POLN: variants seen among roughly 807,000 people sequenced by gnomAD.
POLN encodes the protein DNA polymerase nu.
In POLN, 108 loss-of-function variants were observed where a neutral mutation model predicts 113.5. The observed-to-expected ratio is 0.95, with a 90% CI of 0.81 to 1.12. POLN has a LOEUF of 1.12. POLN is among the 50% of genes most tolerant of loss of function. The pLI is 0.00. For synonymous variants in POLN, 386 were observed against 391.5 expected (o/e 0.99, Z 0.17); for missense variants, 1,097 against 1,077.1 (o/e 1.02, Z -0.26).
At chr4:2,197,238 G>A (rs1418700613) in intron 6 of POLN, among the ~76,000 whole-genome samples, 1 of 152,192 alleles carries the variant, frequency 6.6e-6, no homozygotes, top group African/African-American at 2.4e-5. Flanking sequence ...AGACTGAAGG[G>A]GCAGGTGGAA....
chr4:2,159,082 T>C (rs1732511632), intron 14 of POLN, 73 bp downstream of exon 14: 3 of 1,147,402 alleles, frequency 2.6e-6, no homozygotes, highest in Non-Finnish European at 3.9e-6. Flanking sequence ...TATGGATTTG[T>C]GTTGACAGAC....
At chr4:2,088,960 CAG>C (rs1262172527) in intron 20 of POLN, 1 of 950,302 alleles carries the variant, frequency 1.1e-6, no homozygotes, top group Non-Finnish European at 1.6e-6. Flanking sequence ...TGGTCCGAGA[CAG>C]AGAAAAAGGT....
At position 2,180,528 on chromosome 4, in the gene POLN, T is replaced by A. The variant is rs1438703345; in HGVS notation, c.1022-1063A>T. On this transcript the variant is annotated intron_variant, in intron 7 of 25. Transcript: ENST00000511885. ...TTACCAAAGCAGCCAGTATTATGAC[T>A]TTCTCATTTGATATCTAGGAAGGCT... Among the ~76,000 whole-genome samples, 4 of 152,218 alleles carry A rather than the reference T, an allele frequency of 2.6e-5. No homozygotes were observed. The East Asian group carries it at 7.7e-4, about 29-fold the overall frequency.
intron 5 of POLN, among the ~76,000 whole-genome samples, chr4:2,205,442 C>G (rs1035728405): frequency 5.9e-5 from 9 of 152,156 alleles, no homozygotes; most frequent in Non-Finnish European, 1.3e-4. Context: ...TCACAGATGA[C>G]ACAAACAAAT....
Position 2,145,515 on chromosome 4 carries a change from GA to G in POLN, c.1731+11272del, listed in dbSNP as rs1732116532. 2.0e-5 allele frequency among the ~76,000 whole-genome samples: 3 copies of G among 152,122 alleles called. No individual in the cohort carries two copies. The South Asian group carries it at 6.2e-4, about 32-fold the overall frequency. Reference sequence around the variant, plus strand: ...AAAAGAAATAAACAAGTGAGTCATTGAAAAAATTCAAATGACAAATAAACAT... The same window carrying G: ...AAAAGAAATAAACAAGTGAGTCATTGAAAAATTCAAATGACAAATAAACAT... On this transcript the variant is annotated intron_variant, in intron 16 of 25. Coordinates refer to ENST00000511885, the MANE Select transcript of POLN (RefSeq NM_181808.4).
intron 7 of POLN, among the ~76,000 whole-genome samples, chr4:2,191,918 G>C (rs1733460057): frequency 6.6e-6 from 1 of 151,952 alleles, no homozygotes; most frequent in Non-Finnish European, 1.5e-5. Context: ...TTCAAGACTA[G>C]CCTGGCCAGC....
At chr4:2,085,116 C>T (rs973759988) in intron 21 of POLN, among the ~76,000 whole-genome samples, 1 of 151,764 alleles carries the variant, frequency 6.6e-6, no homozygotes, top group Non-Finnish European at 1.5e-5. Flanking sequence ...TTTTTTAATC[C>T]TAAATTATTA....
intron 2 of POLN, among the ~76,000 whole-genome samples, chr4:2,237,418 A>C (rs1734805779): frequency 6.6e-6 from 1 of 151,958 alleles, no homozygotes; most frequent in African/African-American, 2.4e-5. Flanking sequence ...CCTAGGCAAG[A>C]GAGTGAGACC....
rs571102151 is a variant in POLN, at chr4:2,229,447, T to C, written c.-12-204A>G. ...AGCTAGAGGCTTAATCCAGGTATCA[T>C]AGTAAATAGATAACTTATTTTCTAG... is the stretch of plus-strand genomic sequence containing the variant. On this transcript the variant is annotated intron_variant, in intron 2 of 25. Coordinates refer to ENST00000511885, the MANE Select transcript of POLN (RefSeq NM_181808.4). 4.5e-5 allele frequency: 18 copies of C among 400,484 alleles called. No homozygotes were observed. In the South Asian group the frequency reaches 4.6e-4, roughly 10 times the overall value. The allele number at this position is 400,484 out of a possible 1,614,324, so 24.8% of individuals were successfully genotyped here.
chr4:2,144,609 C>T (rs1359990945), intron 16 of POLN, among the ~76,000 whole-genome samples: 4 of 152,058 alleles, frequency 2.6e-5, no homozygotes, highest in African/African-American at 9.7e-5. Context: ...GAGGAAATTC[C>T]GTTACCTAGT....
intron 6 of POLN, among the ~76,000 whole-genome samples, chr4:2,194,822 G>A (rs537599377): frequency 2.4e-4 from 36 of 152,170 alleles, no homozygotes; most frequent in South Asian, 1.7e-3. Context: ...ACTTGAGCCT[G>A]GGAGGTTGAG....
intron 2 of POLN, among the ~76,000 whole-genome samples, chr4:2,235,716 C>T (rs575124960): frequency 1.3e-5 from 2 of 152,040 alleles, no homozygotes; most frequent in African/African-American, 2.4e-5. Context: ...TAAAGTTCAA[C>T]GACATATAAA....
chr4:2,104,423 G>A (rs1249361215), intron 19 of POLN, among the ~76,000 whole-genome samples: 1 of 152,188 alleles, frequency 6.6e-6, no homozygotes, highest in Non-Finnish European at 1.5e-5. Flanking sequence ...GAATTGCTGG[G>A]TCATATGGTA....
chr4:2,074,369 G>A lies in POLN; in HGVS notation c.2455+1083C>T, dbSNP rs183242899. Reference sequence around the variant, plus strand: ...GCAGTCCCTGGCCCCGAGTGCTCCTGAGAGAGCAGAGCACAGGCTGCAGCC... The same window carrying A: ...GCAGTCCCTGGCCCCGAGTGCTCCTAAGAGAGCAGAGCACAGGCTGCAGCC... On this transcript the variant is annotated intron_variant, in intron 24 of 25. Transcript: ENST00000511885. Among the ~76,000 whole-genome samples the A allele has an allele frequency of 2.0e-5, 3 of 152,308 alleles. No individual in the cohort carries two copies. The East Asian group carries it at 5.8e-4, about 29-fold the overall frequency.
chr4:2,167,638 C>T (rs1287401739), intron 13 of POLN, among the ~76,000 whole-genome samples: 1 of 152,176 alleles, frequency 6.6e-6, no homozygotes, highest in African/African-American at 2.4e-5. Flanking sequence ...GTGACTCATG[C>T]CTGTAATCCT....
chr4:2,081,364 T>G, intron 22 of POLN: 1 of 642,672 alleles, frequency 1.6e-6, no homozygotes, highest in Non-Finnish European at 2.6e-6. Flanking sequence ...AGCCTCAGTT[T>G]CCCACCACAG....
chr4:2,196,160 T>C (rs987106892), intron 6 of POLN, among the ~76,000 whole-genome samples: 23 of 152,288 alleles, frequency 1.5e-4, no homozygotes, highest in African/African-American at 5.1e-4. Context: ...CTAGTATAAG[T>C]ATGTCCCATG....
intron 20 of POLN, among the ~76,000 whole-genome samples, chr4:2,092,120 T>C (rs1210738704): frequency 2.6e-5 from 4 of 152,212 alleles, no homozygotes; most frequent in African/African-American, 9.6e-5. Flanking sequence ...CTCCTGCAGA[T>C]GCACTGATGG....
chr4:2,073,074 T>C (rs1166257797), intron 24 of POLN, 45 bp from the exon 25 acceptor site: 1 of 1,591,702 alleles, frequency 6.3e-7, no homozygotes, highest in African/African-American at 1.3e-5. Context: ...CTCTTGGCCT[T>C]GGGGCCTGGG....
Sources: gnomAD v4.1 joint callset for allele counts (sites outside exome capture counted in the v4.1 genomes callset) on GRCh38, gnomAD v4.1.1 for gene constraint, MANE v1.5 for transcripts, NCBI Gene and HGNC (gene_info 2026-07-23, HGNC 2026-07-21) for gene names.